The following CDH4 variants were observed in gnomAD, a reference collection of about 807,000 sequenced individuals.
CDH4 encodes cadherin-4.
CDH4 carries 33 observed loss-of-function variants against 86.0 expected under a neutral mutation model. That is an observed-to-expected ratio of 0.38 (90% CI 0.29 to 0.51). The LOEUF is 0.51. Among genes scored for constraint, CDH4 ranks in the 20% least tolerant of loss-of-function variants. The pLI, the probability that CDH4 is intolerant of heterozygous loss-of-function variation, is 0.86. For synonymous variants in CDH4, 555 were observed against 549.4 expected, an observed-to-expected ratio of 1.01 and a Z score of -0.14; for missense variants, 1,114 against 1,307.4, an observed-to-expected ratio of 0.85 and a Z score of 2.28.
chr20:61,406,815 G>T lies in CDH4; in HGVS notation c.169+151878G>T, dbSNP rs2085086823. ...GTGTGCTCTGCCCAGACCACCATCT[G>T]CTCTGCCCGGACCACCATCTTCTCT... On this transcript the variant is annotated intron_variant, in intron 2 of 15. Transcript: ENST00000614565. Among the ~76,000 whole-genome samples the T allele has an allele frequency of 6.7e-5, 9 of 134,598 alleles. No homozygotes were observed. The South Asian group carries it at 2.0e-3, about 30-fold the overall frequency. 88.3% of individuals were successfully genotyped at this position (134,598 alleles called of 152,430 possible).
rs1337684973 is a variant in CDH4 at position 61,807,257 on chromosome 20, G to T, written c.576+34075G>T. On this transcript the variant is annotated intron_variant, in intron 4 of 15. Transcript: ENST00000614565. The surrounding 1 kb of genome is among the most constrained non-coding windows in gnomAD (Gnocchi z 4.5). ...GAAGTCAGTGATGTTGTAGAGACTG[G>T]GTGTTGTCCAGTCCATGGAGCTGTA... 6.6e-6 allele frequency among the ~76,000 whole-genome samples: 1 copy of T among 152,162 alleles called. No individual in the cohort carries two copies. The highest frequency in any genetic ancestry group is 6.5e-5 in the Admixed American group (1 of 15,280).
chr20:61,422,178 G>A (rs147143218), intron 2 of CDH4, among the ~76,000 whole-genome samples: 2,600 of 152,210 alleles, frequency 0.017, 85 homozygotes, highest in African/African-American at 0.059. Flanking sequence ...TGTAATCCCA[G>A]CACTTTGGGA....
chr20:61,557,653 A>G (rs1377922957), intron 2 of CDH4, among the ~76,000 whole-genome samples: 1 of 152,186 alleles, frequency 6.6e-6, no homozygotes, highest in Non-Finnish European at 1.5e-5. Context: ...TCCAAATCGC[A>G]TCTTTGTGTT....
At chr20:61,304,259 C>T (rs1210837332) in intron 2 of CDH4, among the ~76,000 whole-genome samples, 3 of 60,886 alleles carry the variant, frequency 4.9e-5, no homozygotes, top group East Asian at 1.2e-3. Context: ...AGATAGTGGA[C>T]GGCACCCCCC....
In CDH4 at chr20:61,810,421, G is replaced by C. The variant is rs1980374441; in HGVS notation, c.577-34247G>C. ...TGCCCTCGGCCAAGTTTCTGACCTG[G>C]GTTCTCAGACCCAAGTTCTGACCCG... On this transcript the variant is annotated intron_variant, in intron 4 of 15. Coordinates refer to ENST00000614565, the MANE Select transcript of CDH4 (RefSeq NM_001794.5). The surrounding 1 kb of genome is among the most constrained non-coding windows in gnomAD (Gnocchi z 4.3). Among the ~76,000 whole-genome samples the C allele has an allele frequency of 1.3e-5, 2 of 152,128 alleles. No homozygotes were observed. The highest frequency in any genetic ancestry group is 2.1e-4 in the South Asian group (1 of 4,820).
At chr20:61,444,761 TTG>T (rs1251702862) in intron 2 of CDH4, among the ~76,000 whole-genome samples, 1 of 149,770 alleles carries the variant, frequency 6.7e-6, no homozygotes, top group Non-Finnish European at 1.5e-5. Context: ...CTGTGTATAT[TTG>T]TGTGTTTCTG....
intron 2 of CDH4, among the ~76,000 whole-genome samples, chr20:61,706,912 AG>A (rs1356908443): frequency 1.3e-5 from 2 of 152,146 alleles, no homozygotes; most frequent in Non-Finnish European, 2.9e-5. Context: ...GGCTGAAGAG[AG>A]GCGTCTGTGG....
chr20:61,472,642 T>G (rs1227744496), intron 2 of CDH4, among the ~76,000 whole-genome samples: 1 of 152,196 alleles, frequency 6.6e-6, no homozygotes, highest in East Asian at 1.9e-4. Context: ...TACAAACAAA[T>G]TGTCTACCTC....
chr20:61,606,727 C>A (rs1383784509), intron 2 of CDH4, among the ~76,000 whole-genome samples: 1 of 152,244 alleles, frequency 6.6e-6, no homozygotes, highest in Admixed American at 6.5e-5. Context: ...CGTGCACACA[C>A]CTGCTCAGGG....
At chr20:61,855,980 C>T (rs1982981946) in intron 6 of CDH4, among the ~76,000 whole-genome samples, 1 of 152,176 alleles carries the variant, frequency 6.6e-6, no homozygotes, top group African/African-American at 2.4e-5. Flanking sequence ...ACTGTCAAGC[C>T]CACCTCGGTC....
chr20:61,767,324 AG>A (rs1195336531), intron 3 of CDH4, among the ~76,000 whole-genome samples: 1 of 152,174 alleles, frequency 6.6e-6, no homozygotes, highest in Non-Finnish European at 1.5e-5. Flanking sequence ...AGTGGCTATC[AG>A]GGCCCTGCTG....
At chr20:61,526,065 C>G (rs1269773959) in intron 2 of CDH4, among the ~76,000 whole-genome samples, 1 of 152,186 alleles carries the variant, frequency 6.6e-6, no homozygotes, top group African/African-American at 2.4e-5. Flanking sequence ...TCTCCCAAAA[C>G]TCATGCAGTA....
intron 6 of CDH4, among the ~76,000 whole-genome samples, chr20:61,856,967 C>T (rs974691011): frequency 6.6e-6 from 1 of 151,910 alleles, no homozygotes; most frequent in Non-Finnish European, 1.5e-5. Flanking sequence ...CTCCTTTCTC[C>T]TCCAAGAGAT....
At chr20:61,253,733 G>A (rs954615941) in intron 1 of CDH4, among the ~76,000 whole-genome samples, 1 of 152,178 alleles carries the variant, frequency 6.6e-6, no homozygotes, top group African/African-American at 2.4e-5. Context: ...GGTGCTGGGG[G>A]TAGAGGGGCG....
Position 61,937,072 on chromosome 20 carries a change from TC to T in CDH4, c.*133del. On this transcript the variant is annotated 3_prime_UTR_variant, in exon 16 of 16. Transcript: ENST00000614565. ...TTAGTGCTGTTAGGAGGCCCCCCAATCCCCACGTTGAGCTGTCTAGCATGAG... is the reference window on the plus strand; with the variant it reads ...TTAGTGCTGTTAGGAGGCCCCCCAATCCCACGTTGAGCTGTCTAGCATGAG... The T allele has an allele frequency of 1.4e-6, 1 of 699,856 alleles. No homozygotes were observed. Among genetic ancestry groups the T allele is most frequent in the Non-Finnish European group, 2.2e-6 (1 of 459,018 alleles). 43.4% of individuals were successfully genotyped at this position (699,856 alleles called of 1,614,324 possible).
rs34309371 is a variant in CDH4, at chr20:61,534,665, C to CTTTTTTTTTTTTT, written c.170-208888_170-208876dup. Among the ~76,000 whole-genome samples, 95 of 76,030 alleles carry CTTTTTTTTTTTTT rather than the reference C, an allele frequency of 1.2e-3. 8 individuals carry two copies. Among genetic ancestry groups the CTTTTTTTTTTTTT allele is most frequent in the African/African-American group, 6.0e-3 (56 of 9,314 alleles). The allele number at this position is 76,030 out of a possible 152,430, so 49.9% of individuals were successfully genotyped here. A position where few individuals can be genotyped will look rare whatever the true frequency, so the allele number is the denominator to read the frequency against. ...CTTTCTTTCTTTTCTTTCTTTCTTT[C>CTTTTTTTTTTTTT]TTTTTTTTTTTTTTTTTTTTTTGAG... is the stretch of plus-strand genomic sequence containing the variant. On this transcript the variant is annotated intron_variant, in intron 2 of 15. Transcript: ENST00000614565.
chr20:61,465,301 A>T (rs986003078), intron 2 of CDH4, among the ~76,000 whole-genome samples: 4 of 152,018 alleles, frequency 2.6e-5, no homozygotes, highest in East Asian at 1.9e-4. Flanking sequence ...TATGCATTTT[A>T]AAAAAAAGCT....
chr20:61,684,951 C>T lies in CDH4; in HGVS notation c.170-58612C>T, dbSNP rs1273817599. ...GTTTAAAGTGTACAATTCAATGGTCCTTAGTCAATTCAGAGTTCCATGTAT... is the reference window on the plus strand; with the variant it reads ...GTTTAAAGTGTACAATTCAATGGTCTTTAGTCAATTCAGAGTTCCATGTAT... On this transcript the variant is annotated intron_variant, in intron 2 of 15. Coordinates refer to ENST00000614565, the MANE Select transcript of CDH4 (RefSeq NM_001794.5). The surrounding 1 kb of genome is among the most constrained non-coding windows in gnomAD (Gnocchi z 4.5). Among the ~76,000 whole-genome samples the T allele has an allele frequency of 6.6e-6, 1 of 152,150 alleles. No individual in the cohort carries two copies. The highest frequency in any genetic ancestry group is 1.5e-5 in the Non-Finnish European group (1 of 68,042).
At chr20:61,297,775 C>A (rs570298244) in intron 2 of CDH4, among the ~76,000 whole-genome samples, 1 of 152,378 alleles carries the variant, frequency 6.6e-6, no homozygotes, top group South Asian at 2.1e-4. Context: ...GCCCCTTTAC[C>A]GGGGCTTCCC....
Sources: allele counts gnomAD v4.1 joint callset (sites outside exome capture counted in the v4.1 genomes callset), GRCh38; gene constraint gnomAD v4.1.1; non-coding constraint Gnocchi (gnomAD v3.1); transcripts MANE v1.5; gene names NCBI Gene and HGNC (gene_info 2026-07-23, HGNC 2026-07-21).